The following PTPRG variants were observed in gnomAD, a reference collection of about 807,000 sequenced individuals.
PTPRG encodes protein tyrosine phosphatase receptor type G.
Under a neutral mutation model 165.3 loss-of-function variants are expected in PTPRG, and 102 were observed. That is an observed-to-expected ratio of 0.62 (90% CI 0.53 to 0.73). The LOEUF (loss-of-function observed/expected upper bound fraction) is 0.73. Ranked by LOEUF, PTPRG falls within the 30% of genes least tolerant of loss-of-function variation. PTPRG has a pLI of 0.00. For synonymous variants in PTPRG, 675 were observed against 669.5 expected (o/e 1.01, Z -0.13); for missense variants, 1,866 against 1,861.4 (o/e 1.00, Z -0.05).
chr3:62,058,573 C>T (rs1700706837), intron 4 of PTPRG, among the ~76,000 whole-genome samples: 1 of 152,118 alleles, frequency 6.6e-6, no homozygotes, highest in Admixed American at 6.5e-5. Flanking sequence ...CCTATGGATA[C>T]TGCCAAGCTT....
At chr3:61,836,130 T>C (rs745743678) in intron 2 of PTPRG, among the ~76,000 whole-genome samples, 14 of 148,940 alleles carry the variant, frequency 9.4e-5, no homozygotes, top group Non-Finnish European at 1.8e-4. Flanking sequence ...AATGGCTCTT[T>C]GGATATTTGT....
intron 2 of PTPRG, among the ~76,000 whole-genome samples, chr3:61,823,284 G>A (rs1245567334): frequency 1.3e-5 from 2 of 152,096 alleles, no homozygotes; most frequent in African/African-American, 4.8e-5. Flanking sequence ...TCTACCTCCC[G>A]GGTTCAAGGG....
At chr3:61,611,710 A>G (rs1575536817) in intron 1 of PTPRG, among the ~76,000 whole-genome samples, 1 of 152,174 alleles carries the variant, frequency 6.6e-6, no homozygotes, top group East Asian at 1.9e-4. Context: ...GGACATACTC[A>G]CTGCGTTGTA....
intron 1 of PTPRG, among the ~76,000 whole-genome samples, chr3:61,728,227 C>A (rs554112311): frequency 6.6e-6 from 1 of 152,168 alleles, no homozygotes; most frequent in African/African-American, 2.4e-5. Context: ...CACACCCGTG[C>A]GACCTTGAGC....
chr3:62,108,635 G>C (rs1702558331), intron 5 of PTPRG, among the ~76,000 whole-genome samples: 1 of 152,174 alleles, frequency 6.6e-6, no homozygotes, highest in African/African-American at 2.4e-5. Context: ...CTTCCACAAT[G>C]GTTGAACTAA....
intron 2 of PTPRG, among the ~76,000 whole-genome samples, chr3:61,881,547 G>A (rs1165409953): frequency 6.6e-6 from 1 of 152,164 alleles, no homozygotes; most frequent in African/African-American, 2.4e-5. Flanking sequence ...GAAAGCTCCT[G>A]TTTTCTAAAG....
At chr3:61,839,660 A>G (rs1462272709) in intron 2 of PTPRG, among the ~76,000 whole-genome samples, 4 of 152,242 alleles carry the variant, frequency 2.6e-5, no homozygotes, top group Admixed American at 6.5e-5. Flanking sequence ...AATGAAGTCT[A>G]TTTTAAGGTT....
At chr3:61,713,685 G>A (rs769192531) in intron 1 of PTPRG, among the ~76,000 whole-genome samples, 1 of 151,912 alleles carries the variant, frequency 6.6e-6, no homozygotes, top group Non-Finnish European at 1.5e-5. Context: ...CAGATTTTAC[G>A]TGCTGGCCGC....
intron 1 of PTPRG, among the ~76,000 whole-genome samples, chr3:61,693,900 C>T (rs1352781539): frequency 1.3e-5 from 2 of 150,508 alleles, no homozygotes; most frequent in African/African-American, 4.9e-5. Flanking sequence ...CCCAGCTACT[C>T]GGGAGGCTGA....
chr3:61,945,743 A>T lies in PTPRG; in HGVS notation c.191-43882A>T, dbSNP rs183487418. 9.8e-5 allele frequency among the ~76,000 whole-genome samples: 15 copies of T among 152,290 alleles called. No individual in the cohort carries two copies. The East Asian group carries it at 2.1e-3, about 22-fold the overall frequency. On this transcript the variant is annotated intron_variant, in intron 2 of 29. Transcript: ENST00000474889. ...TAAGTAATTTTGCTAAATTAATAAGATCAACAATGGCTACCATTTAGAGAA... is the reference window on the plus strand; with the variant it reads ...TAAGTAATTTTGCTAAATTAATAAGTTCAACAATGGCTACCATTTAGAGAA...
At chr3:61,773,713 C>G (rs894816146) in intron 2 of PTPRG, among the ~76,000 whole-genome samples, 66 of 151,710 alleles carry the variant, frequency 4.4e-4, no homozygotes, top group Admixed American at 1.4e-3. Context: ...GCCTAGGATG[C>G]TGTGTATGCT....
chr3:62,009,740 A>G (rs2041374240), intron 4 of PTPRG, among the ~76,000 whole-genome samples: 1 of 152,116 alleles, frequency 6.6e-6, no homozygotes, highest in African/African-American at 2.4e-5. Flanking sequence ...CTCCACACTG[A>G]TGCAGGCACT....
At chr3:61,747,415 A>G (rs2033253659) in intron 1 of PTPRG, among the ~76,000 whole-genome samples, 1 of 152,228 alleles carries the variant, frequency 6.6e-6, no homozygotes, top group Non-Finnish European at 1.5e-5. Context: ...TGTACTTGAA[A>G]AATGAGTGGA....
intron 5 of PTPRG, among the ~76,000 whole-genome samples, chr3:62,110,089 C>CT (rs371457716): frequency 0.04 from 3,208 of 79,856 alleles, 276 homozygotes; most frequent in African/African-American, 0.094. Flanking sequence ...GAAATAATGG[C>CT]TTTTTTTTTT....
chr3:61,942,397 A>T (rs2039652867), intron 2 of PTPRG, among the ~76,000 whole-genome samples: 1 of 152,236 alleles, frequency 6.6e-6, no homozygotes, highest in Non-Finnish European at 1.5e-5. Flanking sequence ...ATTAAATAAG[A>T]GAAAACAAAA....
intron 1 of PTPRG, among the ~76,000 whole-genome samples, chr3:61,586,089 CT>C (rs547804603): frequency 1.3e-3 from 195 of 152,214 alleles, no homozygotes; most frequent in African/African-American, 4.5e-3. Flanking sequence ...TCTGCTTTTT[CT>C]TTTTTATTTT....
chr3:61,786,754 A>G (rs1281112531), intron 2 of PTPRG, among the ~76,000 whole-genome samples: 4 of 151,290 alleles, frequency 2.6e-5, no homozygotes, highest in Non-Finnish European at 4.4e-5. Context: ...TGAAACTAAT[A>G]TGTCTTTAAA....
intron 5 of PTPRG, among the ~76,000 whole-genome samples, chr3:62,082,929 C>G (rs1701628602): frequency 6.6e-6 from 1 of 152,116 alleles, no homozygotes; most frequent in Non-Finnish European, 1.5e-5. Flanking sequence ...TCACCTTTTT[C>G]TAGATCATGC....
intron 2 of PTPRG, among the ~76,000 whole-genome samples, chr3:61,778,054 C>G (rs751787481): frequency 9.2e-5 from 14 of 152,156 alleles, no homozygotes; most frequent in Non-Finnish European, 1.6e-4. Flanking sequence ...ATGCCAAGCA[C>G]TGTGGCTCCA....
Sources: allele counts gnomAD v4.1 joint callset (sites outside exome capture counted in the v4.1 genomes callset), GRCh38; gene constraint gnomAD v4.1.1; transcripts MANE v1.5; gene names NCBI Gene and HGNC (gene_info 2026-07-23, HGNC 2026-07-21).